CUL5: variants seen among roughly 807,000 people sequenced by gnomAD.
The protein encoded by CUL5 is cullin 5.
Under a neutral mutation model 108.8 loss-of-function variants are expected in CUL5, and 26 were observed. The observed-to-expected ratio is 0.24, with a 90% CI of 0.18 to 0.33. CUL5 has a LOEUF of 0.33. CUL5 is among the 10% of genes least tolerant of loss of function. The pLI is 1.00. For missense variants in CUL5, 524 were observed against 909.2 expected, an observed-to-expected ratio of 0.58 and a Z score of 5.45; for synonymous variants, 334 against 298.0, an observed-to-expected ratio of 1.12 and a Z score of -1.25.
At position 108,097,279 on chromosome 11, in the gene CUL5, G is replaced by C. The variant is rs141151401; in HGVS notation, c.1906-357G>C. ...AATCTGCCTGCCTCAGCTTCCCAAA[G>C]TGCTGGAATTACAGGCGTGAGCCAC... On this transcript the variant is annotated intron_variant, in intron 16 of 18. Coordinates refer to ENST00000393094, the MANE Select transcript of CUL5 (RefSeq NM_003478.6). 3.7e-4 allele frequency among the ~76,000 whole-genome samples: 56 copies of C among 152,318 alleles called. No individual in the cohort carries two copies. The East Asian group carries it at 0.011, about 29-fold the overall frequency.
intron 11 of CUL5, among the ~76,000 whole-genome samples, chr11:108,085,690 C>T (rs1864203398): frequency 6.6e-6 from 1 of 152,134 alleles, no homozygotes; most frequent in Admixed American, 6.6e-5. Flanking sequence ...AGAAGTGGGT[C>T]ACAAAATACC....
At chr11:108,068,418 A>G (rs1254631714) in intron 7 of CUL5, among the ~76,000 whole-genome samples, 1 of 151,980 alleles carries the variant, frequency 6.6e-6, no homozygotes, top group African/African-American at 2.4e-5. Context: ...TCCTGAGCTT[A>G]ACTGACCCTC....
intron 11 of CUL5, among the ~76,000 whole-genome samples, chr11:108,084,679 T>C (rs970244181): frequency 1.3e-5 from 2 of 152,214 alleles, no homozygotes; most frequent in African/African-American, 4.8e-5. Context: ...AGAAAAATCA[T>C]TTTAGAAGCG....
chr11:108,075,720 A>C (rs4754292), intron 10 of CUL5, among the ~76,000 whole-genome samples: 1 of 152,158 alleles, frequency 6.6e-6, no homozygotes, highest in Non-Finnish European at 1.5e-5. Context: ...AAGTTTTTCT[A>C]TAGAGACAAC....
chr11:108,088,720 T>C, intron 12 of CUL5, 61 bp downstream of exon 12: 2 of 1,323,644 alleles, frequency 1.5e-6, no homozygotes, highest in East Asian at 2.5e-5. Flanking sequence ...TGTGTTTTGC[T>C]TATAGGACTT....
At chr11:108,101,947 G>A (rs1864682209) in intron 18 of CUL5, among the ~76,000 whole-genome samples, 1 of 152,108 alleles carries the variant, frequency 6.6e-6, no homozygotes, top group African/African-American at 2.4e-5. Flanking sequence ...TCAGGAGCCT[G>A]GTATCTGAAT....
intron 2 of CUL5, 115 bp downstream of exon 2, chr11:108,034,026 A>G: frequency 1.5e-6 from 1 of 664,494 alleles, no homozygotes; most frequent in Admixed American, 2.9e-5. Flanking sequence ...AAAAAGTATT[A>G]CTAGTTACAT....
In CUL5 at chr11:108,105,247, C is replaced by T. The variant is rs1864765980; in HGVS notation, c.*863C>T. The T allele has an allele frequency of 1.3e-5, 2 of 152,064 alleles. No homozygotes were observed. Among genetic ancestry groups the T allele is most frequent in the South Asian group, 4.1e-4 (2 of 4,834 alleles). The allele number at this position is 152,064 out of a possible 1,614,324, so 9.4% of individuals were successfully genotyped here. On this transcript the variant is annotated 3_prime_UTR_variant, in exon 19 of 19. Transcript: ENST00000393094. ...TAAACATATTGTGTGTTTACTAACA[C>T]ACTTAATGTTTATATACCTAATATT... is the stretch of plus-strand genomic sequence containing the variant.
intron 7 of CUL5, among the ~76,000 whole-genome samples, chr11:108,068,297 G>T (rs572306932): frequency 2.3e-4 from 35 of 152,128 alleles, no homozygotes; most frequent in African/African-American, 8.2e-4. Context: ...TTGTAGAGGA[G>T]CCTGAAAAAA....
At chr11:108,062,894 G>A (rs1225432517) in intron 7 of CUL5, among the ~76,000 whole-genome samples, 3 of 152,158 alleles carry the variant, frequency 2.0e-5, no homozygotes, top group Non-Finnish European at 4.4e-5. Context: ...CACCCAGGCT[G>A]GAGTGCTGTG....
At chr11:108,024,714 C>T (rs1197292455) in intron 1 of CUL5, among the ~76,000 whole-genome samples, 3 of 152,116 alleles carry the variant, frequency 2.0e-5, no homozygotes, top group Non-Finnish European at 4.4e-5. Context: ...TTTTGTACAA[C>T]AGATACCACA....
At chr11:108,086,481 G>T (rs1049069423) in intron 11 of CUL5, among the ~76,000 whole-genome samples, 5 of 152,132 alleles carry the variant, frequency 3.3e-5, no homozygotes, top group African/African-American at 1.2e-4. Flanking sequence ...AAGGAGGGAG[G>T]TAGATCACTT....
At chr11:108,027,444 G>A (rs1441567180) in intron 1 of CUL5, among the ~76,000 whole-genome samples, 2 of 152,010 alleles carry the variant, frequency 1.3e-5, no homozygotes, top group Non-Finnish European at 2.9e-5. Context: ...GCTGATTTTT[G>A]TATTTTCAGT....
At position 108,049,979 on chromosome 11, in the gene CUL5, A is replaced by G; in HGVS notation, c.324A>G (p.Pro108=). Residue 108 remains proline, a synonymous_variant, in exon 4 of 19, where the codon CCA becomes CCG. Coordinates refer to ENST00000393094, the MANE Select transcript of CUL5 (RefSeq NM_003478.6). The part of the protein sequence containing the change: ...RKFFTQCDIL[P]KPFCQLEITL... Reference sequence around the variant, plus strand: ...TCTTTACACAATGTGATATTTTACCAAAACCTTTTTGTCAACTAGAGATTA... The same window carrying G: ...TCTTTACACAATGTGATATTTTACCGAAACCTTTTTGTCAACTAGAGATTA... The G allele has an allele frequency of 6.2e-7, 1 of 1,613,726 alleles. No individual in the cohort carries two copies. Among genetic ancestry groups the G allele is most frequent in the Non-Finnish European group, 8.5e-7 (1 of 1,179,734 alleles).
intron 7 of CUL5, among the ~76,000 whole-genome samples, chr11:108,062,598 C>T (rs900367271): frequency 3.3e-5 from 5 of 150,316 alleles, no homozygotes; most frequent in Non-Finnish European, 5.9e-5. Flanking sequence ...TTTGTGCATA[C>T]ATACATGGTG....
At chr11:108,049,633 C>T (rs1038907491) in intron 3 of CUL5, among the ~76,000 whole-genome samples, 19 of 152,030 alleles carry the variant, frequency 1.2e-4, no homozygotes, top group South Asian at 4.2e-4. Flanking sequence ...TGAGCCACCA[C>T]GCCTGGCCCA....
At chr11:108,016,787 CAAAAACAAACAAAA>C (rs1266077570) in intron 1 of CUL5, among the ~76,000 whole-genome samples, 6 of 151,376 alleles carry the variant, frequency 4.0e-5, no homozygotes, top group African/African-American at 9.7e-5. Context: ...CCCATTTGTA[CAAAAACAAACAAAA>C]AAAAACAAAC....
intron 1 of CUL5, among the ~76,000 whole-genome samples, chr11:108,027,133 T>C (rs1397909587): frequency 2.0e-5 from 3 of 152,176 alleles, no homozygotes; most frequent in Non-Finnish European, 4.4e-5. Flanking sequence ...TTTTTGTTTT[T>C]ATTTACTATT....
chr11:108,082,917 A>G (rs767502184), intron 11 of CUL5, among the ~76,000 whole-genome samples: 3 of 152,308 alleles, frequency 2.0e-5, no homozygotes, highest in Non-Finnish European at 2.9e-5. Context: ...ATGAGCTACC[A>G]TGCCCAACCA....
Sources: gnomAD v4.1 joint callset for allele counts (sites outside exome capture counted in the v4.1 genomes callset) on GRCh38, gnomAD v4.1.1 for gene constraint, MANE v1.5 for transcripts, NCBI Gene and HGNC (gene_info 2026-07-23, HGNC 2026-07-21) for gene names.